Variants in HGSNAT observed in about 807,000 individuals in gnomAD.
HGSNAT encodes transmembrane protein 76.
HGSNAT carries 59 observed loss-of-function variants against 85.2 expected under a neutral mutation model. The observed-to-expected ratio is 0.69, with a 90% CI of 0.56 to 0.86. The LOEUF is 0.86. HGSNAT is among the 40% of genes least tolerant of loss of function. The probability of loss-of-function intolerance (pLI) is 0.00; values close to 1 mark genes in which losing one functional copy is unlikely to be tolerated. For missense variants in HGSNAT, 756 were observed against 777.1 expected, an observed-to-expected ratio of 0.97 and a Z score of 0.32; for synonymous variants, 321 against 304.5, an observed-to-expected ratio of 1.05 and a Z score of -0.56.
chr8:43,141,630 G>C (rs551601260), intron 1 of HGSNAT, among the ~76,000 whole-genome samples: 1 of 151,948 alleles, frequency 6.6e-6, no homozygotes, highest in African/African-American at 2.4e-5. Context: ...GTCAGAATAC[G>C]AAGTTTTAGT....
At chr8:43,187,764 T>G (rs1214049262) in intron 11 of HGSNAT, among the ~76,000 whole-genome samples, 2 of 152,250 alleles carry the variant, frequency 1.3e-5, no homozygotes, top group Admixed American at 6.5e-5. Flanking sequence ...TTGGCATGTT[T>G]TTGCAGTGTC....
chr8:43,150,230 G>A (rs551664461), intron 2 of HGSNAT, among the ~76,000 whole-genome samples: 31 of 152,172 alleles, frequency 2.0e-4, no homozygotes, highest in African/African-American at 7.2e-4. Context: ...TGGGATTACC[G>A]ACGTGAGCCA....
chr8:43,192,430 T>C lies in HGSNAT; in HGVS notation c.1377T>C (p.Ala459=), dbSNP rs1804571894. 3 of 1,607,426 alleles carry C rather than the reference T, an allele frequency of 1.9e-6. No homozygotes were observed. Among genetic ancestry groups the C allele is most frequent in the East Asian group, 2.2e-5 (1 of 44,698 alleles). The change falls in exon 13 of 18, where the codon GCT becomes GCC. Residue 459 remains alanine, a splice_region_variant and synonymous_variant. Coordinates refer to ENST00000379644, the MANE Select transcript of HGSNAT (RefSeq NM_152419.3). ...DDHLYQHPSS[A]VLYHTEVAYD... is the part of the protein sequence containing the mutation. ...ACCTTTACCAGCACCCATCTTCTGCTGTGAGTGAGACTCGAGTTCGCTTAG... is the reference window on the plus strand; with the variant it reads ...ACCTTTACCAGCACCCATCTTCTGCCGTGAGTGAGACTCGAGTTCGCTTAG...
At chr8:43,177,453 G>A (rs572881465) in intron 9 of HGSNAT, among the ~76,000 whole-genome samples, 59 of 151,782 alleles carry the variant, frequency 3.9e-4, no homozygotes, top group African/African-American at 1.4e-3. Flanking sequence ...AGCTACTCAG[G>A]AGGCTGAGGT....
chr8:43,197,823 T>C lies in HGSNAT; in HGVS notation c.1614-17T>C, dbSNP rs1804776527. 1 of 1,608,216 alleles carries C rather than the reference T, an allele frequency of 6.2e-7. No homozygotes were observed. ...TGTTCCGTACGAGCACTGAAACGTC[T>C]CCTCCACCCCTCCCAGGTCCCTTTC... is the stretch of plus-strand genomic sequence containing the variant. On this transcript the variant is annotated splice_polypyrimidine_tract_variant and intron_variant, in intron 16 of 17. Coordinates refer to ENST00000379644, the MANE Select transcript of HGSNAT (RefSeq NM_152419.3).
Position 43,178,193 on chromosome 8 carries a change from T to C in HGSNAT, c.971T>C (p.Ile324Thr). 1.9e-6 allele frequency: 3 copies of C among 1,580,870 alleles called. No individual in the cohort carries two copies. Among genetic ancestry groups the C allele is most frequent in the Non-Finnish European group, 2.6e-6 (3 of 1,166,742 alleles). The change falls in exon 10 of 18, where the codon ATA (isoleucine) becomes ACA (threonine). Residue 324 changes from isoleucine to threonine, a missense_variant. Physicochemically the swap from Ile to Thr is moderately conservative, Grantham distance 89. Coordinates refer to ENST00000379644, the MANE Select transcript of HGSNAT (RefSeq NM_152419.3). ...TGGAGGAGTTTCCTGTTAATCTGCA[T>C]AGGAATTATCATTGTGAATCCCAAT... ...IAWRSFLLIC[I>T]GIIIVNPNYC... is the part of the protein sequence containing the mutation.
intron 5 of HGSNAT, 127 bp downstream of exon 5, chr8:43,161,634 C>CT: frequency 1.6e-6 from 1 of 606,838 alleles, no homozygotes; most frequent in Non-Finnish European, 2.8e-6. Flanking sequence ...TCCCCCATGT[C>CT]CATCCAGTGC....
intron 11 of HGSNAT, among the ~76,000 whole-genome samples, chr8:43,187,841 GT>G (rs2058799648): frequency 6.6e-6 from 1 of 152,140 alleles, no homozygotes; most frequent in Admixed American, 6.5e-5. Context: ...AGGCCTGCTG[GT>G]GACAAAATCT....
At chr8:43,194,524 C>A in intron 14 of HGSNAT, 1 of 984,548 alleles carries the variant, frequency 1.0e-6, no homozygotes, top group Non-Finnish European at 1.2e-6. Flanking sequence ...GTGTCCTGAC[C>A]TAACAAAATA....
In HGSNAT at chr8:43,202,636, C is replaced by CTTT. The variant is rs1273138398; in HGVS notation, c.*3069_*3070insTTT. 1 of 152,128 alleles carries CTTT rather than the reference C, an allele frequency of 6.6e-6. No homozygotes were observed. The highest frequency in any genetic ancestry group is 1.5e-5 in the Non-Finnish European group (1 of 68,022). 9.4% of individuals were successfully genotyped at this position (152,128 alleles called of 1,614,324 possible). ...TTTGCATTTATATTCCTAATTCCTA[C>CTTT]TTAAAGTGAATATACTGCCGCTGTA... is the stretch of plus-strand genomic sequence containing the variant. On this transcript the variant is annotated 3_prime_UTR_variant, in exon 18 of 18. Coordinates refer to ENST00000379644, the MANE Select transcript of HGSNAT (RefSeq NM_152419.3).
chr8:43,144,290 A>T (rs1802645363), intron 1 of HGSNAT, among the ~76,000 whole-genome samples: 2 of 148,002 alleles, frequency 1.4e-5, no homozygotes, highest in African/African-American at 2.5e-5. Flanking sequence ...TTGCCACTGC[A>T]CTCCAGCCTG....
In HGSNAT at chr8:43,140,607, G is replaced by A. The variant is rs886062953; in HGVS notation, c.111G>A (p.Pro37=). The change falls in exon 1 of 18, where the codon CCG becomes CCA. Residue 37 remains proline, a synonymous_variant. Coordinates refer to ENST00000379644, the MANE Select transcript of HGSNAT (RefSeq NM_152419.3). ...CGGGGCGCGATGCCCAGGCCGCGCC[G>A]CCACGAGGTGAGTGCACACCTCCTA... is the stretch of plus-strand genomic sequence containing the variant. ...GSSGRDAQAA[P]PRDLDKKRHA... 6.5e-6 allele frequency: 8 copies of A among 1,234,986 alleles called. No homozygotes were observed. Among genetic ancestry groups the A allele is most frequent in the African/African-American group, 6.4e-5 (4 of 62,686 alleles). The allele number at this position is 1,234,986 out of a possible 1,614,324, so 76.5% of individuals were successfully genotyped here.
intron 1 of HGSNAT, among the ~76,000 whole-genome samples, chr8:43,141,348 C>A (rs1366689531): frequency 1.3e-5 from 2 of 152,156 alleles, no homozygotes; most frequent in East Asian, 3.9e-4. Flanking sequence ...TGCCCCGGGC[C>A]CCGGACCCCG....
chr8:43,182,231 G>A lies in HGSNAT; in HGVS notation c.1099G>A (p.Ala367Thr), dbSNP rs1476919967. Reference sequence around the variant, plus strand: ...GGTTGCTGTGTTGGAGCTCCTCTTTGCTAAACCTGTGCCTGAACATTGTGC... The same window carrying A: ...GGTTGCTGTGTTGGAGCTCCTCTTTACTAAACCTGTGCCTGAACATTGTGC... ...FVVAVLELLF[A>T]KPVPEHCASE... Residue 367 changes from alanine to threonine, a missense_variant, in exon 11 of 18, where the codon GCT (alanine) becomes ACT (threonine). Physicochemically the swap from Ala to Thr is moderately conservative, Grantham distance 58 (BLOSUM62 0). Transcript: ENST00000379644. The A allele has an allele frequency of 6.2e-6, 10 of 1,613,788 alleles. No individual in the cohort carries two copies. The Admixed American group carries it at 1.5e-4, about 24-fold the overall frequency.
At chr8:43,161,413 A>G in intron 4 of HGSNAT, 25 bp from the exon 5 acceptor site, 1 of 1,595,768 alleles carries the variant, frequency 6.3e-7, no homozygotes, top group Non-Finnish European at 8.6e-7. Context: ...TTTGGGGGCT[A>G]ATGTGTTTTC....
intron 5 of HGSNAT, among the ~76,000 whole-genome samples, chr8:43,167,382 A>G (rs539302950): frequency 3.3e-5 from 5 of 152,316 alleles, no homozygotes; most frequent in African/African-American, 1.2e-4. Context: ...CAGCCACCTC[A>G]ACCTACGGCA....
chr8:43,159,485 G>A (rs1803200346), intron 4 of HGSNAT, among the ~76,000 whole-genome samples: 1 of 152,134 alleles, frequency 6.6e-6, no homozygotes, highest in Non-Finnish European at 1.5e-5. Flanking sequence ...CTACTTGGGA[G>A]GCTGAGGTGG....
chr8:43,149,481 G>A (rs1216024480), intron 2 of HGSNAT, among the ~76,000 whole-genome samples: 4 of 152,058 alleles, frequency 2.6e-5, no homozygotes, highest in African/African-American at 7.2e-5. Context: ...GGCGGATCAC[G>A]AAGTCAGGAG....
At position 43,194,072 on chromosome 8, in the gene HGSNAT, T is replaced by C. The variant is rs1250656949; in HGVS notation, c.1464+229T>C. 3 of 1,308,962 alleles carry C rather than the reference T, an allele frequency of 2.3e-6. No individual in the cohort carries two copies. The Admixed American group carries it at 1.1e-4, about 46-fold the overall frequency. The allele number at this position is 1,308,962 out of a possible 1,614,324, so 81.1% of individuals were successfully genotyped here. A position where few individuals can be genotyped will look rare whatever the true frequency, so the allele number is the denominator to read the frequency against. On this transcript the variant is annotated intron_variant, in intron 14 of 17. Transcript: ENST00000379644. ...ATTCTCAAAAAAATTCTTACTTATATGGCTTATCTTAGCACGGCAGTTTCT... is the reference window on the plus strand; with the variant it reads ...ATTCTCAAAAAAATTCTTACTTATACGGCTTATCTTAGCACGGCAGTTTCT...
Sources: allele counts gnomAD v4.1 joint callset (sites outside exome capture counted in the v4.1 genomes callset), GRCh38; gene constraint gnomAD v4.1.1; transcripts MANE v1.5; gene names NCBI Gene and HGNC (gene_info 2026-07-23, HGNC 2026-07-21).